FCRL2: variants seen among roughly 807,000 people sequenced by gnomAD.
FCRL2 encodes Fc receptor like 2.
A neutral mutation model predicts 59.8 loss-of-function variants in FCRL2; 48 were observed. That is an observed-to-expected ratio of 0.80 (90% CI 0.64 to 1.02). The LOEUF is 1.02. Ranked by LOEUF, FCRL2 falls within the 50% of genes least tolerant of loss-of-function variation. The pLI is 0.00. For missense variants in FCRL2, 658 were observed against 597.3 expected, an observed-to-expected ratio of 1.10 and a Z score of -1.06; for synonymous variants, 251 against 229.5, an observed-to-expected ratio of 1.09 and a Z score of -0.85.
At position 157,746,642 on chromosome 1, in the gene FCRL2, G is replaced by T. The variant is rs1042152761; in HGVS notation, c.*94C>A. 3.9e-6 allele frequency: 5 copies of T among 1,297,668 alleles called. No homozygotes were observed. Among genetic ancestry groups the T allele is most frequent in the Admixed American group, 1.8e-5 (1 of 56,104 alleles). 80.4% of individuals were successfully genotyped at this position (1,297,668 alleles called of 1,614,324 possible). A position where few individuals can be genotyped will look rare whatever the true frequency, so the allele number is the denominator to read the frequency against. ...CTGAGGCACGTTCTGGCTGTGGCAG[G>T]TGATAAGCCTCAAGCATTTTCATAA... is the stretch of plus-strand genomic sequence containing the variant. On this transcript the variant is annotated 3_prime_UTR_variant, in exon 12 of 12. Transcript: ENST00000361516.
Position 157,770,544 on chromosome 1 carries a change from A to G in FCRL2, c.175T>C (p.Ser59Pro). 8 of 1,614,214 alleles carry G rather than the reference A, an allele frequency of 5.0e-6. No homozygotes were observed. The highest frequency in any genetic ancestry group is 6.8e-6 in the Non-Finnish European group (8 of 1,180,036). ...MAYHKDNKEL[S>P]VFKKFSDFLI... is the part of the protein sequence containing the mutation. ...AAATCTGAGAATTTTTTGAAAACAGATAACTCTTTGTTATCCTTATGGTAA... is the reference window on the plus strand; with the variant it reads ...AAATCTGAGAATTTTTTGAAAACAGGTAACTCTTTGTTATCCTTATGGTAA... Residue 59 changes from serine to proline, a missense_variant, in exon 3 of 12, where the codon TCT becomes CCT. By Grantham distance (74) the Ser-to-Pro change is moderately conservative (BLOSUM62 -1). Coordinates refer to ENST00000361516, the MANE Select transcript of FCRL2 (RefSeq NM_030764.4).
At chr1:157,750,774 C>T (rs910802107) in intron 7 of FCRL2, among the ~76,000 whole-genome samples, 1 of 152,168 alleles carries the variant, frequency 6.6e-6, no homozygotes, top group African/African-American at 2.4e-5. Flanking sequence ...CATATTCAAA[C>T]ATGTATTAAA....
In FCRL2 at chr1:157,768,439, G is replaced by C. The variant is rs763075280; in HGVS notation, c.858C>G (p.Ser286Arg). Residue 286 changes from serine to arginine, a missense_variant, in exon 5 of 12, where the codon AGC (serine) becomes AGG (arginine). Ser to Arg is a moderately radical substitution (Grantham distance 110). Coordinates refer to ENST00000361516, the MANE Select transcript of FCRL2 (RefSeq NM_030764.4). ...RADNGHVPIQSKVVNIPVRIP... is the reference protein window; with the variant it reads ...RADNGHVPIQRKVVNIPVRIP... ...TTCTCACAGGGATATTCACCACCTT[G>C]CTCTGGATAGGCACATGGCCGTTGT... 4 of 1,613,994 alleles carry C rather than the reference G, an allele frequency of 2.5e-6. No individual in the cohort carries two copies. In the Admixed American group the frequency reaches 6.7e-5, roughly 27 times the overall value.
In FCRL2 at chr1:157,748,877, T is replaced by C. The variant is rs1557851815; in HGVS notation, c.1391A>G (p.Asn464Ser). 6.2e-7 allele frequency: 1 copy of C among 1,613,176 alleles called. No homozygotes were observed. The change falls in exon 9 of 12, where the codon AAT becomes AGT. Residue 464 changes from asparagine (N) to serine (S), a missense_variant and splice_region_variant. Transcript: ENST00000361516. ...CCCTTCCCAGTGGAGACACTCACCA[T>C]TGACATACACTGGCTGCAGCTCCTC... is the stretch of plus-strand genomic sequence containing the variant. ...DMEELQPVYV[N>S]VGSVDVDVVY...
At chr1:157,767,790 C>G in intron 5 of FCRL2, 1 of 1,072,724 alleles carries the variant, frequency 9.3e-7, no homozygotes, top group Non-Finnish European at 1.3e-6. Flanking sequence ...TCTTTTTTTT[C>G]TTTTGTATCC....
At chr1:157,774,354 A>C in intron 2 of FCRL2, 1 of 440,652 alleles carries the variant, frequency 2.3e-6, no homozygotes, top group Non-Finnish European at 4.5e-6. Context: ...CCCAGCCTAC[A>C]TAGCAGGTAT....
chr1:157,763,095 A>C (rs966245488), intron 7 of FCRL2, among the ~76,000 whole-genome samples: 3 of 152,240 alleles, frequency 2.0e-5, no homozygotes, highest in African/African-American at 7.2e-5. Flanking sequence ...AGATTGTTAG[A>C]CGTAGAAAAT....
At chr1:157,754,261 A>C (rs1648417666) in intron 7 of FCRL2, among the ~76,000 whole-genome samples, 1 of 152,226 alleles carries the variant, frequency 6.6e-6, no homozygotes, top group South Asian at 2.1e-4. Context: ...AGAAGCCAGC[A>C]GAAACCCACC....
intron 7 of FCRL2, among the ~76,000 whole-genome samples, chr1:157,763,850 GA>G: frequency 6.6e-6 from 1 of 151,796 alleles, no homozygotes; most frequent in Admixed American, 6.6e-5. Flanking sequence ...CCAACATGGT[GA>G]AACCCCGTCT....
chr1:157,773,505 C>T (rs1425451810), intron 2 of FCRL2, among the ~76,000 whole-genome samples: 1 of 152,166 alleles, frequency 6.6e-6, no homozygotes, highest in Non-Finnish European at 1.5e-5. Context: ...GACTTGAAGT[C>T]AAACCCTCTG....
chr1:157,770,559 C>G lies in FCRL2; in HGVS notation c.160G>C (p.Asp54His), dbSNP rs773464294. The G allele has an allele frequency of 3.1e-6, 5 of 1,614,104 alleles. No individual in the cohort carries two copies. Among genetic ancestry groups the G allele is most frequent in the Non-Finnish European group, 4.2e-6 (5 of 1,180,036 alleles). Residue 54 changes from aspartate to histidine, a missense_variant, in exon 3 of 12, where the codon GAT becomes CAT. By Grantham distance (81) the Asp-to-His change is moderately conservative. Transcript: ENST00000361516. ...WKIQKMAYHKDNKELSVFKKF... is the reference protein window; with the variant it reads ...WKIQKMAYHKHNKELSVFKKF... ...TTGAAAACAGATAACTCTTTGTTAT[C>G]CTTATGGTAAGCCATCTTCTGAATT...
At chr1:157,756,955 T>G (rs181485513) in intron 7 of FCRL2, among the ~76,000 whole-genome samples, 1 of 152,310 alleles carries the variant, frequency 6.6e-6, no homozygotes, top group African/African-American at 2.4e-5. Flanking sequence ...ATCAATTAAA[T>G]TTTTTTAAAG....
chr1:157,772,247 A>G (rs1247623255), intron 2 of FCRL2, among the ~76,000 whole-genome samples: 1 of 152,064 alleles, frequency 6.6e-6, no homozygotes, highest in Non-Finnish European at 1.5e-5. Flanking sequence ...TAGGAAGACG[A>G]GTCATGATTA....
In FCRL2 at chr1:157,767,396, G is replaced by C. The variant is rs754089546; in HGVS notation, c.997C>G (p.Gln333Glu). The C allele has an allele frequency of 1.9e-6, 3 of 1,614,226 alleles. No individual in the cohort carries two copies. In the Admixed American group the frequency reaches 5.0e-5, roughly 27 times the overall value. ...AGGGTGACATCCTCATGATAAAATT[G>C]GTACAAGATTGGGGGAGAGCCTCTC... The part of the protein sequence containing the change: ...ALRGSPPILY[Q>E]FYHEDVTLGN... Residue 333 changes from glutamine to glutamate, a missense_variant, in exon 6 of 12, where the codon CAA becomes GAA. By Grantham distance (29) the Gln-to-Glu change is conservative. Coordinates refer to ENST00000361516, the MANE Select transcript of FCRL2 (RefSeq NM_030764.4).
At chr1:157,753,958 G>A (rs1168149081) in intron 7 of FCRL2, among the ~76,000 whole-genome samples, 1 of 151,932 alleles carries the variant, frequency 6.6e-6, no homozygotes, top group African/African-American at 2.4e-5. Flanking sequence ...GTATTATAAA[G>A]GCATCACTTT....
rs1220342026 is a variant in FCRL2 at position 157,760,690 on chromosome 1, A to AGAAGGAAG, written c.1279+6164_1279+6165insCTTCCTTC. On this transcript the variant is annotated intron_variant, in intron 7 of 11. Coordinates refer to ENST00000361516, the MANE Select transcript of FCRL2 (RefSeq NM_030764.4). ...AGGAAGGAAGGAAGGAAAGAAAGAA[A>AGAAGGAAG]GAAAGAAGGAAAGAAAGAAAGAAAG... Among the ~76,000 whole-genome samples the AGAAGGAAG allele has an allele frequency of 2.2e-3, 250 of 112,960 alleles. 4 individuals carry two copies. Among genetic ancestry groups the AGAAGGAAG allele is most frequent in the Non-Finnish European group, 3.6e-3 (196 of 54,690 alleles). The allele number at this position is 112,960 out of a possible 152,430, so 74.1% of individuals were successfully genotyped here. A position where few individuals can be genotyped will look rare whatever the true frequency, so the allele number is the denominator to read the frequency against.
chr1:157,751,318 G>A (rs1056370443), intron 7 of FCRL2, among the ~76,000 whole-genome samples: 2 of 152,196 alleles, frequency 1.3e-5, no homozygotes, highest in Admixed American at 6.5e-5. Flanking sequence ...TGTAAAACTG[G>A]CAAGAGGCTA....
At chr1:157,766,485 T>G in intron 7 of FCRL2, 1 of 205,144 alleles carries the variant, frequency 4.9e-6, no homozygotes, top group South Asian at 1.4e-4. Flanking sequence ...AAAAAAAAAT[T>G]TTTTTTGTGT....
intron 2 of FCRL2, among the ~76,000 whole-genome samples, chr1:157,774,112 G>T (rs1162871429): frequency 6.6e-6 from 1 of 152,210 alleles, no homozygotes; most frequent in Non-Finnish European, 1.5e-5. Context: ...AAAAGCAAAT[G>T]GTATTCAAAG....
Sources: allele counts gnomAD v4.1 joint callset (sites outside exome capture counted in the v4.1 genomes callset), GRCh38; gene constraint gnomAD v4.1.1; transcripts MANE v1.5; gene names NCBI Gene and HGNC (gene_info 2026-07-23, HGNC 2026-07-21).